The following KDM7A variants were observed in gnomAD, a reference collection of about 807,000 sequenced individuals.
KDM7A encodes lysine-specific demethylase 7A.
A neutral mutation model predicts 114.8 loss-of-function variants in KDM7A; 28 were observed. The ratio of observed to expected loss-of-function variants is 0.24; its 90% CI spans 0.18 to 0.33. KDM7A has a LOEUF of 0.33. Ranked by LOEUF, KDM7A falls within the 10% of genes least tolerant of loss-of-function variation. KDM7A has a pLI of 1.00. For missense variants in KDM7A, 942 were observed against 1,142.5 expected (o/e 0.82, Z 2.53); for synonymous variants, 423 against 397.8 (o/e 1.06, Z -0.75).
intron 4 of KDM7A, among the ~76,000 whole-genome samples, chr7:140,127,874 T>C (rs893092675): frequency 6.6e-6 from 1 of 152,192 alleles, no homozygotes; most frequent in African/African-American, 2.4e-5. Flanking sequence ...GATATCTTGG[T>C]GTACAGCTCA....
At chr7:140,149,164 T>G (rs963914259) in intron 1 of KDM7A, among the ~76,000 whole-genome samples, 2 of 151,930 alleles carry the variant, frequency 1.3e-5, no homozygotes, top group African/African-American at 4.8e-5. Context: ...GAGAGGAAAA[T>G]TAGGTTGAAG....
chr7:140,136,969 A>G (rs1265016222), intron 2 of KDM7A, among the ~76,000 whole-genome samples: 1 of 152,076 alleles, frequency 6.6e-6, no homozygotes, highest in Non-Finnish European at 1.5e-5. Context: ...CCTGGGCGAC[A>G]GCACAAGACT....
chr7:140,140,960 GAA>G (rs1452279153), intron 1 of KDM7A, among the ~76,000 whole-genome samples: 3 of 151,924 alleles, frequency 2.0e-5, no homozygotes, highest in Non-Finnish European at 4.4e-5. Flanking sequence ...TAAGAATCAA[GAA>G]AAAGATTGCT....
intron 13 of KDM7A, among the ~76,000 whole-genome samples, chr7:140,099,415 T>G (rs1818166388): frequency 1.3e-5 from 2 of 152,166 alleles, no homozygotes; most frequent in South Asian, 4.1e-4. Flanking sequence ...CAAGCTAGTT[T>G]TAAACTCCTG....
intron 12 of KDM7A, among the ~76,000 whole-genome samples, chr7:140,100,738 A>G (rs1190024970): frequency 1.9e-5 from 1 of 51,398 alleles, no homozygotes; most frequent in African/African-American, 7.5e-5. Context: ...ATATATATAT[A>G]TATACATATA....
intron 12 of KDM7A, among the ~76,000 whole-genome samples, 179 bp from the exon 13 acceptor site, chr7:140,100,202 A>T (rs1818178715): frequency 6.6e-6 from 1 of 152,230 alleles, no homozygotes; most frequent in South Asian, 2.1e-4. Flanking sequence ...CCAAAGTAAG[A>T]GTATGGCTCA....
At chr7:140,171,261 C>T (rs1195523830) in intron 1 of KDM7A, among the ~76,000 whole-genome samples, 2 of 150,628 alleles carry the variant, frequency 1.3e-5, no homozygotes, top group African/African-American at 4.9e-5. Context: ...GAGATCGAGA[C>T]CATCCTGGCT....
intron 11 of KDM7A, among the ~76,000 whole-genome samples, chr7:140,106,606 T>G (rs540646123): frequency 6.6e-6 from 1 of 152,190 alleles, no homozygotes; most frequent in African/African-American, 2.4e-5. Flanking sequence ...TTTGAGTGAG[T>G]TTCTTAATCC....
chr7:140,109,233 A>G (rs1012061241), intron 11 of KDM7A, among the ~76,000 whole-genome samples: 1 of 152,148 alleles, frequency 6.6e-6, no homozygotes, highest in Non-Finnish European at 1.5e-5. Flanking sequence ...CAGGCGATGC[A>G]CCGCCCTGCT....
intron 17 of KDM7A, among the ~76,000 whole-genome samples, chr7:140,095,173 C>T (rs754327537): frequency 6.6e-6 from 1 of 152,126 alleles, no homozygotes; most frequent in Non-Finnish European, 1.5e-5. Flanking sequence ...CCATGGCCGC[C>T]TATTGTATAT....
At chr7:140,170,467 C>T (rs1794626741) in intron 1 of KDM7A, among the ~76,000 whole-genome samples, 1 of 152,188 alleles carries the variant, frequency 6.6e-6, no homozygotes, top group African/African-American at 2.4e-5. Context: ...TACCATCTAC[C>T]CCCTTGACAG....
At chr7:140,093,003 A>T (rs2116734278) in intron 18 of KDM7A, among the ~76,000 whole-genome samples, 1 of 152,370 alleles carries the variant, frequency 6.6e-6, no homozygotes, top group South Asian at 2.1e-4. Context: ...CTTTAAAAAA[A>T]AAACTTGCTT....
intron 14 of KDM7A, 54 bp downstream of exon 14, chr7:140,098,825 T>A: frequency 6.9e-7 from 1 of 1,440,600 alleles, no homozygotes; most frequent in South Asian, 1.2e-5. Context: ...TTACTTTACA[T>A]ATTATCACAT....
intron 1 of KDM7A, among the ~76,000 whole-genome samples, chr7:140,174,173 A>AG (rs1021727055): frequency 3.9e-5 from 6 of 152,044 alleles, no homozygotes; most frequent in Non-Finnish European, 2.9e-5. Flanking sequence ...CCAAAAAAAA[A>AG]AAAAAGAAAA....
chr7:140,108,245 T>C (rs35075582), intron 11 of KDM7A, among the ~76,000 whole-genome samples: 52,650 of 152,022 alleles, frequency 0.35, 9,385 homozygotes, highest in Middle Eastern at 0.43. Flanking sequence ...CAGAGAAGTT[T>C]GTTATTACTG....
At position 140,129,540 on chromosome 7, in the gene KDM7A, C is replaced by A. The variant is rs949258727; in HGVS notation, c.512G>T (p.Arg171Met). 1 of 1,613,654 alleles carries A rather than the reference C, an allele frequency of 6.2e-7. No individual in the cohort carries two copies. Among genetic ancestry groups the A allele is most frequent in the Non-Finnish European group, 8.5e-7 (1 of 1,179,646 alleles). The change falls in exon 4 of 20, where the codon AGG becomes ATG. Residue 171 changes from arginine to methionine, a missense_variant. Coordinates refer to ENST00000397560, the MANE Select transcript of KDM7A (RefSeq NM_030647.2). ...MVPKLDDLGL[R>M]LPSPTFSVMD... is the part of the protein sequence containing the mutation. ...CACAGAAAATGTAGGTGAAGGGAGCCTGAGTCCTAGATCATCTAATTTTGG... is the reference window on the plus strand; with the variant it reads ...CACAGAAAATGTAGGTGAAGGGAGCATGAGTCCTAGATCATCTAATTTTGG...
chr7:140,088,711 T>C lies in KDM7A; in HGVS notation c.*2383A>G, dbSNP rs1817973601. On this transcript the variant is annotated 3_prime_UTR_variant, in exon 20 of 20. Coordinates refer to ENST00000397560, the MANE Select transcript of KDM7A (RefSeq NM_030647.2). ...TTACCTCGCTGAAAGTTTTCTAACTTAGCCACTTATTAAGGGGCTAAAACT... is the reference window on the plus strand; with the variant it reads ...TTACCTCGCTGAAAGTTTTCTAACTCAGCCACTTATTAAGGGGCTAAAACT... The C allele has an allele frequency of 2.6e-6, 1 of 390,018 alleles. No homozygotes were observed. The highest frequency in any genetic ancestry group is 4.5e-6 in the Non-Finnish European group (1 of 220,882). 24.2% of individuals were successfully genotyped at this position (390,018 alleles called of 1,614,324 possible). A position where few individuals can be genotyped will look rare whatever the true frequency, so the allele number is the denominator to read the frequency against.
chr7:140,097,730 C>T, intron 14 of KDM7A, 88 bp from the exon 15 acceptor site: 3 of 700,680 alleles, frequency 4.3e-6, no homozygotes, highest in South Asian at 1.7e-5. Context: ...GTCCACCCAG[C>T]TTGTGATGTC....
In KDM7A at chr7:140,102,374, ATTT is replaced by A. The variant is rs149936748; in HGVS notation, c.1429-217_1429-215del. ...AATATACTGTGAACATACTTCCTTG[ATTT>A]TTTTTTTTTTTTTGACACAGGGTCT... On this transcript the variant is annotated intron_variant, in intron 11 of 19. Transcript: ENST00000397560. Among the ~76,000 whole-genome samples, 189 of 143,216 alleles carry A rather than the reference ATTT, an allele frequency of 1.3e-3. 1 individual carries two copies. Among genetic ancestry groups the A allele is most frequent in the African/African-American group, 4.5e-3 (178 of 39,124 alleles). The allele number at this position is 143,216 out of a possible 152,430, so 94.0% of individuals were successfully genotyped here.
Sources: allele counts gnomAD v4.1 joint callset (sites outside exome capture counted in the v4.1 genomes callset), GRCh38; gene constraint gnomAD v4.1.1; transcripts MANE v1.5; gene names NCBI Gene and HGNC (gene_info 2026-07-23, HGNC 2026-07-21).